MRTFA: variants seen among roughly 807,000 people sequenced by gnomAD.
MRTFA encodes the protein myocardin related transcription factor A.
Under a neutral mutation model 83.5 loss-of-function variants are expected in MRTFA, and 20 were observed. The ratio of observed to expected loss-of-function variants is 0.24; its 90% CI spans 0.17 to 0.35. The LOEUF is 0.35. MRTFA is among the 10% of genes least tolerant of loss of function. The pLI, the probability that MRTFA is intolerant of heterozygous loss-of-function variation, is 1.00. For missense variants in MRTFA, 1,200 were observed against 1,224.7 expected (o/e 0.98, Z 0.30); for synonymous variants, 659 against 541.2 (o/e 1.22, Z -3.02).
chr22:40,459,030 G>A (rs180769189), intron 4 of MRTFA, among the ~76,000 whole-genome samples: 14 of 150,890 alleles, frequency 9.3e-5, no homozygotes, highest in African/African-American at 3.4e-4. Context: ...AGCTGAGATC[G>A]CGCCACTGCA....
chr22:40,441,658 G>A (rs537248127), intron 4 of MRTFA, among the ~76,000 whole-genome samples: 10 of 152,028 alleles, frequency 6.6e-5, no homozygotes, highest in South Asian at 2.1e-4. Flanking sequence ...GTGGTGGTGC[G>A]CGCCTATAAT....
At chr22:40,605,074 T>G (rs965603151) in intron 1 of MRTFA, among the ~76,000 whole-genome samples, 2 of 152,190 alleles carry the variant, frequency 1.3e-5, no homozygotes, top group African/African-American at 4.8e-5. Context: ...ACTTACAGAT[T>G]GTAAGACCAG....
At chr22:40,459,796 C>T (rs1388675338) in intron 4 of MRTFA, among the ~76,000 whole-genome samples, 8 of 109,968 alleles carry the variant, frequency 7.3e-5, no homozygotes, top group Non-Finnish European at 1.4e-4. Flanking sequence ...CACACACACA[C>T]ACACACACAC....
chr22:40,528,567 G>A (rs927427466), intron 3 of MRTFA, among the ~76,000 whole-genome samples: 2 of 151,808 alleles, frequency 1.3e-5, no homozygotes, highest in Non-Finnish European at 2.9e-5. Flanking sequence ...GAGAAACCCC[G>A]TCTCTACTAA....
intron 4 of MRTFA, among the ~76,000 whole-genome samples, chr22:40,448,082 T>C (rs1005277661): frequency 2.6e-5 from 4 of 152,036 alleles, no homozygotes; most frequent in Admixed American, 6.6e-5. Flanking sequence ...GAGTACGAGG[T>C]GGGCGGATCA....
intron 2 of MRTFA, among the ~76,000 whole-genome samples, chr22:40,553,851 G>C (rs2055480240): frequency 6.6e-6 from 1 of 152,158 alleles, no homozygotes; most frequent in African/African-American, 2.4e-5. Context: ...CTCAACATCA[G>C]CCCATGAAAG....
intron 3 of MRTFA, among the ~76,000 whole-genome samples, chr22:40,495,863 C>A (rs4283515): frequency 6.7e-6 from 1 of 148,306 alleles, no homozygotes; most frequent in Non-Finnish European, 1.5e-5. Context: ...GTCAGGAATT[C>A]GAGACCAGCC....
chr22:40,413,648 T>G (rs1032822419), intron 14 of MRTFA, among the ~76,000 whole-genome samples: 4 of 152,126 alleles, frequency 2.6e-5, no homozygotes, highest in African/African-American at 9.7e-5. Flanking sequence ...TTTCACCATG[T>G]TAGCCAGGAT....
chr22:40,445,502 T>C (rs2053359079), intron 4 of MRTFA, among the ~76,000 whole-genome samples: 2 of 152,184 alleles, frequency 1.3e-5, no homozygotes, highest in South Asian at 4.1e-4. Context: ...TTATAGCTGT[T>C]TAGATTTTTC....
chr22:40,585,621 A>C (rs536473113), intron 2 of MRTFA, among the ~76,000 whole-genome samples: 24 of 152,338 alleles, frequency 1.6e-4, no homozygotes, highest in African/African-American at 5.8e-4. Flanking sequence ...GTAATAGTGA[A>C]GACAACATGA....
chr22:40,555,992 C>G (rs2055517868), intron 2 of MRTFA, among the ~76,000 whole-genome samples: 1 of 151,916 alleles, frequency 6.6e-6, no homozygotes. Context: ...TATTCTAAAG[C>G]CACACTTAAG....
chr22:40,611,615 T>C (rs1038641001), intron 1 of MRTFA, among the ~76,000 whole-genome samples: 2 of 152,154 alleles, frequency 1.3e-5, no homozygotes, highest in Non-Finnish European at 2.9e-5. Context: ...GTTTGGAGCA[T>C]GGGACAGGAA....
intron 3 of MRTFA, among the ~76,000 whole-genome samples, chr22:40,550,848 TTTTC>T (rs1367340752): frequency 6.9e-6 from 1 of 145,410 alleles, no homozygotes; most frequent in African/African-American, 2.5e-5. Context: ...ATTTTTTCTT[TTTTC>T]TTTTTTTTTT....
At chr22:40,519,871 G>A (rs2054832964) in intron 3 of MRTFA, among the ~76,000 whole-genome samples, 1 of 152,164 alleles carries the variant, frequency 6.6e-6, no homozygotes, top group East Asian at 1.9e-4. Context: ...TAATTAATAA[G>A]AGATAAGATA....
At chr22:40,635,673 A>C (rs1247212386) in intron 1 of MRTFA, among the ~76,000 whole-genome samples, 1 of 152,222 alleles carries the variant, frequency 6.6e-6, no homozygotes, top group Non-Finnish European at 1.5e-5. Context: ...AGGCATTCTC[A>C]ACATCCCAAA....
At chr22:40,574,063 C>A (rs1383364790) in intron 2 of MRTFA, among the ~76,000 whole-genome samples, 2 of 152,022 alleles carry the variant, frequency 1.3e-5, no homozygotes, top group Non-Finnish European at 2.9e-5. Flanking sequence ...GCATCAGGGA[C>A]ATTTGTAAGT....
rs141277835 is a variant in MRTFA at position 40,626,786 on chromosome 22, G to C, written c.-84+9692C>G. 2.6e-5 allele frequency among the ~76,000 whole-genome samples: 4 copies of C among 151,928 alleles called. No homozygotes were observed. The South Asian group carries it at 8.3e-4, about 31-fold the overall frequency. On this transcript the variant is annotated intron_variant, in intron 1 of 14. Transcript: ENST00000355630. ...AGTTCAAGGCGGGAGAACTGCTTGA[G>C]GCCAGGGGTTCAAGGTTACAGTGAG...
intron 3 of MRTFA, among the ~76,000 whole-genome samples, chr22:40,550,926 A>C (rs967667474): frequency 1.4e-5 from 2 of 146,588 alleles, no homozygotes; most frequent in Admixed American, 7.1e-5. Context: ...ATCTCGGCTC[A>C]CCGCAACCTC....
Position 40,411,829 on chromosome 22 carries a change from G to C in MRTFA, c.2657C>G (p.Pro886Arg). The C allele has an allele frequency of 6.6e-7, 1 of 1,513,856 alleles. No individual in the cohort carries two copies. Among genetic ancestry groups the C allele is most frequent in the Non-Finnish European group, 8.9e-7 (1 of 1,128,262 alleles). 93.8% of individuals were successfully genotyped at this position (1,513,856 alleles called of 1,614,324 possible). A position where few individuals can be genotyped will look rare whatever the true frequency, so the allele number is the denominator to read the frequency against. ...AGAAGGTGATGGCTGTGCTGCCAGG[G>C]GGGACCCACAGACTGTCTTCGGGGA... The change falls in exon 15 of 15, where the codon CCC becomes CGC. Residue 886 changes from proline to arginine, a missense_variant. Physicochemically the swap from Pro to Arg is moderately radical, Grantham distance 103 (BLOSUM62 -2). Around this residue, in one of 2 missense-constraint regions of MRTFA, gnomAD observed 1,107 missense variants for 1,041.8 expected, o/e 1.06. Transcript: ENST00000355630.
Sources: allele counts gnomAD v4.1 joint callset (sites outside exome capture counted in the v4.1 genomes callset), GRCh38; gene constraint gnomAD v4.1.1; regional missense constraint gnomAD v4.1.1; transcripts MANE v1.5; gene names NCBI Gene and HGNC (gene_info 2026-07-23, HGNC 2026-07-21).